The following KIF26B variants were observed in gnomAD, a reference collection of about 807,000 sequenced individuals.
The protein encoded by KIF26B is kinesin family member 26B.
KIF26B carries 63 observed loss-of-function variants against 151.2 expected under a neutral mutation model. The observed-to-expected ratio is 0.42, with a 90% CI of 0.34 to 0.51. KIF26B has a LOEUF of 0.51. KIF26B is among the 20% of genes least tolerant of loss of function. The probability of loss-of-function intolerance (pLI) is 0.07; values close to 1 mark genes in which losing one functional copy is unlikely to be tolerated. For synonymous variants in KIF26B, 1,357 were observed against 1,262.1 expected (o/e 1.08, Z -1.59); for missense variants, 2,813 against 2,913.6 (o/e 0.97, Z 0.79).
At chr1:245,327,438 T>A (rs1457775037) in intron 2 of KIF26B, among the ~76,000 whole-genome samples, 1 of 152,198 alleles carries the variant, frequency 6.6e-6, no homozygotes, top group Non-Finnish European at 1.5e-5. Flanking sequence ...TCCTTTCTCA[T>A]TTGTTTTCCT....
chr1:245,559,610 C>CA (rs34543327), intron 5 of KIF26B, among the ~76,000 whole-genome samples: 76,684 of 152,008 alleles, frequency 0.5, 21,330 homozygotes, highest in Non-Finnish European at 0.63. Context: ...GGCAGGGTTT[C>CA]ACCATGTTGG....
chr1:245,419,538 G>A, intron 3 of KIF26B, 41 bp from the exon 4 acceptor site: 6 of 1,562,174 alleles, frequency 3.8e-6, no homozygotes, highest in Non-Finnish European at 5.2e-6. Flanking sequence ...GAAAAGCAGT[G>A]AGCCACAGGT....
intron 6 of KIF26B, among the ~76,000 whole-genome samples, chr1:245,604,482 C>G (rs1356228640): frequency 1.3e-5 from 2 of 152,194 alleles, no homozygotes; most frequent in African/African-American, 4.8e-5. Flanking sequence ...CTCCTTATTA[C>G]ATTTTTTGTG....
chr1:245,598,329 C>A (rs2043355858), intron 5 of KIF26B, among the ~76,000 whole-genome samples: 1 of 152,142 alleles, frequency 6.6e-6, no homozygotes, highest in Non-Finnish European at 1.5e-5. Context: ...GCTCCTGCCA[C>A]CTTCTTATCA....
At chr1:245,292,916 C>T (rs1200567503) in intron 2 of KIF26B, among the ~76,000 whole-genome samples, 2 of 152,194 alleles carry the variant, frequency 1.3e-5, no homozygotes, top group African/African-American at 2.4e-5. Flanking sequence ...CAAACTGCTT[C>T]GGTGCCGTCC....
intron 2 of KIF26B, among the ~76,000 whole-genome samples, chr1:245,340,465 C>T (rs1468618891): frequency 6.6e-6 from 1 of 151,660 alleles, no homozygotes; most frequent in African/African-American, 2.4e-5. Context: ...CCCACGGATA[C>T]AGATGGCTGA....
At chr1:245,245,059 G>C (rs1354449326) in intron 2 of KIF26B, among the ~76,000 whole-genome samples, 1 of 152,130 alleles carries the variant, frequency 6.6e-6, no homozygotes, top group African/African-American at 2.4e-5. Context: ...TCCATGCAGG[G>C]AGCCTGTGAG....
intron 2 of KIF26B, among the ~76,000 whole-genome samples, chr1:245,189,583 G>A (rs1669059800): frequency 6.6e-6 from 1 of 152,168 alleles, no homozygotes; most frequent in Non-Finnish European, 1.5e-5. Context: ...TGTTCTAGAT[G>A]TCCGCTGAGA....
At chr1:245,670,616 A>G (rs2044275346) in intron 10 of KIF26B, among the ~76,000 whole-genome samples, 1 of 152,156 alleles carries the variant, frequency 6.6e-6, no homozygotes, top group Non-Finnish European at 1.5e-5. Context: ...GCCAAGAGGT[A>G]GGAACAACCC....
intron 9 of KIF26B, among the ~76,000 whole-genome samples, chr1:245,629,354 A>T (rs568087092): frequency 6.3e-4 from 96 of 152,300 alleles, no homozygotes; most frequent in African/African-American, 2.2e-3. Flanking sequence ...CTATACTACA[A>T]GGCTACAGTA....
chr1:245,160,784 G>T (rs1384255321), intron 2 of KIF26B, among the ~76,000 whole-genome samples: 1 of 152,162 alleles, frequency 6.6e-6, no homozygotes. Flanking sequence ...AGGAATCACA[G>T]AGATGAAAGA....
intron 5 of KIF26B, among the ~76,000 whole-genome samples, chr1:245,589,284 G>C (rs1356780917): frequency 3.3e-5 from 5 of 152,160 alleles, no homozygotes; most frequent in African/African-American, 1.2e-4. Flanking sequence ...TTTAGAAAGG[G>C]CTTCCCACCT....
intron 12 of KIF26B, among the ~76,000 whole-genome samples, chr1:245,696,509 G>T (rs575131752): frequency 6.6e-6 from 1 of 152,240 alleles, no homozygotes; most frequent in Admixed American, 6.5e-5. Flanking sequence ...ATCAATGTTT[G>T]TTGTTTTAGC....
intron 2 of KIF26B, among the ~76,000 whole-genome samples, chr1:245,195,968 G>A (rs114128782): frequency 0.02 from 3,087 of 152,286 alleles, 112 homozygotes; most frequent in African/African-American, 0.07. Context: ...AGTAATCAAA[G>A]TGGAAAAAGG....
intron 4 of KIF26B, among the ~76,000 whole-genome samples, chr1:245,493,131 T>G (rs1203018209): frequency 6.6e-6 from 1 of 152,160 alleles, no homozygotes; most frequent in Non-Finnish European, 1.5e-5. Flanking sequence ...TGTAGCAAGC[T>G]GACAGGAAAA....
intron 9 of KIF26B, among the ~76,000 whole-genome samples, chr1:245,642,718 C>T (rs758569739): frequency 7.2e-5 from 11 of 152,116 alleles, no homozygotes; most frequent in Non-Finnish European, 1.5e-4. Flanking sequence ...CTCATAAGAT[C>T]TGCTGTGAGA....
At chr1:245,376,336 A>T (rs186899168) in intron 3 of KIF26B, among the ~76,000 whole-genome samples, 202 of 152,234 alleles carry the variant, frequency 1.3e-3, no homozygotes, top group Non-Finnish European at 2.5e-3. Flanking sequence ...GTCAATGGGG[A>T]TTCCGGAGCA....
intron 4 of KIF26B, among the ~76,000 whole-genome samples, chr1:245,475,352 T>C (rs1660011453): frequency 6.6e-6 from 1 of 151,762 alleles, no homozygotes. Context: ...GAAGACTTGG[T>C]TGAGTAACAA....
chr1:245,379,901 G>T (rs1368943015), intron 3 of KIF26B, among the ~76,000 whole-genome samples: 1 of 151,188 alleles, frequency 6.6e-6, no homozygotes, highest in Non-Finnish European at 1.5e-5. Context: ...AACCCGGGCG[G>T]CAGAGGTTGC....
Sources: allele counts gnomAD v4.1 joint callset (sites outside exome capture counted in the v4.1 genomes callset), GRCh38; gene constraint gnomAD v4.1.1; transcripts MANE v1.5; gene names NCBI Gene and HGNC (gene_info 2026-07-23, HGNC 2026-07-21).